FAT4: variants seen among roughly 807,000 people sequenced by gnomAD.
The protein encoded by FAT4 is protocadherin Fat 4.
In FAT4, 84 loss-of-function variants were observed where a neutral mutation model predicts 303.9. The ratio of observed to expected loss-of-function variants is 0.28; its 90% CI spans 0.23 to 0.33. The LOEUF is 0.33. FAT4 is among the 10% of genes least tolerant of loss of function. The probability of loss-of-function intolerance (pLI) is 1.00; values close to 1 mark genes in which losing one functional copy is unlikely to be tolerated. For synonymous variants in FAT4, 2,307 were observed against 2,298.8 expected, an observed-to-expected ratio of 1.00 and a Z score of -0.10; for missense variants, 6,005 against 6,146.8, an observed-to-expected ratio of 0.98 and a Z score of 0.77.
At chr4:125,351,973 C>T (rs1341338269) in intron 2 of FAT4, among the ~76,000 whole-genome samples, 4 of 151,624 alleles carry the variant, frequency 2.6e-5, no homozygotes, top group Non-Finnish European at 3.0e-5. Flanking sequence ...ACGGTTGATG[C>T]TACCTGTTGA....
chr4:125,364,124 T>TTC (rs35020841), intron 2 of FAT4, among the ~76,000 whole-genome samples: 34,092 of 149,916 alleles, frequency 0.23, 5,213 homozygotes, highest in African/African-American at 0.45. Flanking sequence ...TTCCTATTCC[T>TTC]TCTCTCTCTC....
intron 12 of FAT4, among the ~76,000 whole-genome samples, chr4:125,471,640 CA>C (rs1420293747): frequency 6.6e-6 from 1 of 151,730 alleles, no homozygotes; most frequent in African/African-American, 2.4e-5. Flanking sequence ...TATTTATCTT[CA>C]CAACTATCTC....
chr4:125,428,016 A>G (rs767288613), intron 7 of FAT4, among the ~76,000 whole-genome samples: 7 of 152,130 alleles, frequency 4.6e-5, no homozygotes, highest in Non-Finnish European at 1.0e-4. Context: ...TTTAAGTTTT[A>G]GGCCAGGTGC....
chr4:125,398,883 A>G lies in FAT4; in HGVS notation c.5275A>G (p.Ile1759Val), dbSNP rs145639192. 2,955 of 1,613,316 alleles carry G rather than the reference A, an allele frequency of 1.8e-3. 7 individuals are homozygous for G. The highest frequency in any genetic ancestry group is 2.3e-3 in the Non-Finnish European group (2,670 of 1,179,430). ...VEENIGDGSKIMQLTAMDADE... is the reference protein window; with the variant it reads ...VEENIGDGSKVMQLTAMDADE... ...GGAGAACATTGGAGATGGCTCTAAG[A>G]TTATGCAGCTGACAGCCATGGATGC... The change falls in exon 3 of 18, where the codon ATT (isoleucine) becomes GTT (valine). Residue 1759 changes from isoleucine to valine, a missense_variant. Ile to Val is a conservative substitution (Grantham distance 29). Transcript: ENST00000394329.
chr4:125,476,984 TCTAA>T (rs1009827431), intron 13 of FAT4, among the ~76,000 whole-genome samples, 167 bp from the exon 14 acceptor site: 39 of 152,120 alleles, frequency 2.6e-4, no homozygotes, highest in African/African-American at 9.2e-4. Flanking sequence ...AATTCGGAAG[TCTAA>T]CAACTCTGTG....
At chr4:125,378,069 T>G (rs1046231624) in intron 2 of FAT4, among the ~76,000 whole-genome samples, 1 of 152,070 alleles carries the variant, frequency 6.6e-6, no homozygotes, top group African/African-American at 2.4e-5. Flanking sequence ...TTCGATAACA[T>G]AAGCTTAGTT....
chr4:125,406,509 A>C (rs1023217809), intron 3 of FAT4, among the ~76,000 whole-genome samples: 2 of 152,168 alleles, frequency 1.3e-5, no homozygotes, highest in African/African-American at 4.8e-5. Flanking sequence ...GAATTTTGGA[A>C]TTGCTTTACC....
chr4:125,438,383 T>G (rs532898385), intron 8 of FAT4, among the ~76,000 whole-genome samples: 23 of 152,308 alleles, frequency 1.5e-4, no homozygotes, highest in African/African-American at 5.5e-4. Context: ...GTATTCATAC[T>G]CTCAAACTGT....
chr4:125,450,297 T>C lies in FAT4; in HGVS notation c.9287T>C (p.Met3096Thr). ...ACACCTGAATTCTCTCAAAGCCACATGAGTGCAACCATCCCTGAGAGCCAT... is the reference window on the plus strand; with the variant it reads ...ACACCTGAATTCTCTCAAAGCCACACGAGTGCAACCATCCCTGAGAGCCAT... ...YHTPEFSQSH[M>T]SATIPESHSI... The change falls in exon 10 of 18, where the codon ATG becomes ACG. Residue 3096 changes from methionine to threonine, a missense_variant. Met to Thr is a moderately conservative substitution (Grantham distance 81). Coordinates refer to ENST00000394329, the MANE Select transcript of FAT4 (RefSeq NM_001291303.3). The C allele has an allele frequency of 6.2e-7, 1 of 1,614,110 alleles. No homozygotes were observed. Among genetic ancestry groups the C allele is most frequent in the African/African-American group, 1.3e-5 (1 of 75,052 alleles).
intron 2 of FAT4, among the ~76,000 whole-genome samples, chr4:125,391,497 A>G (rs1733977833): frequency 6.6e-6 from 1 of 152,144 alleles, no homozygotes; most frequent in South Asian, 2.1e-4. Flanking sequence ...AGAAGGGAAC[A>G]ACACACACCA....
At chr4:125,458,586 G>A (rs1209711816) in intron 10 of FAT4, among the ~76,000 whole-genome samples, 1 of 151,870 alleles carries the variant, frequency 6.6e-6, no homozygotes, top group African/African-American at 2.4e-5. Flanking sequence ...AGCAGAATTA[G>A]GCAGTTTACA....
chr4:125,325,505 G>A (rs1731116857), intron 2 of FAT4, among the ~76,000 whole-genome samples: 1 of 152,100 alleles, frequency 6.6e-6, no homozygotes, highest in Admixed American at 6.6e-5. Flanking sequence ...TATTTAAAAA[G>A]AAACAGTTGC....
At chr4:125,488,450 G>C (rs989684201) in intron 17 of FAT4, among the ~76,000 whole-genome samples, 2 of 152,226 alleles carry the variant, frequency 1.3e-5, no homozygotes, top group Admixed American at 6.5e-5. Flanking sequence ...ACAGAAATGA[G>C]TTGGGATCTG....
chr4:125,369,381 G>C (rs1733016303), intron 2 of FAT4, among the ~76,000 whole-genome samples: 1 of 152,074 alleles, frequency 6.6e-6, no homozygotes. Context: ...GCAGTGAGCT[G>C]AGATTGCCTC....
chr4:125,415,414 A>T lies in FAT4; in HGVS notation c.6451A>T (p.Asn2151Tyr). Residue 2151 changes from asparagine to tyrosine, a missense_variant, in exon 6 of 18, where the codon AAC becomes TAC. Physicochemically the swap from Asn to Tyr is moderately radical, Grantham distance 143. Coordinates refer to ENST00000394329, the MANE Select transcript of FAT4 (RefSeq NM_001291303.3). ...TATGGTACTTGACATCAATGATAACAACCCCATCTTTGCACAAGCTTTGTA... is the reference window on the plus strand; with the variant it reads ...TATGGTACTTGACATCAATGATAACTACCCCATCTTTGCACAAGCTTTGTA... ...VVMVLDINDN[N>Y]PIFAQALYKV... 1 of 1,614,100 alleles carries T rather than the reference A, an allele frequency of 6.2e-7. No individual in the cohort carries two copies. Among genetic ancestry groups the T allele is most frequent in the South Asian group, 1.1e-5 (1 of 91,086 alleles).
Position 125,320,415 on chromosome 4 carries a change from C to T in FAT4, c.4004C>T (p.Ser1335Phe), listed in dbSNP as rs773667236. The change falls in exon 2 of 18, where the codon TCC (serine) becomes TTC (phenylalanine). Residue 1335 changes from serine to phenylalanine, a missense_variant. By Grantham distance (155) the Ser-to-Phe change is radical. Coordinates refer to ENST00000394329, the MANE Select transcript of FAT4 (RefSeq NM_001291303.3). ...AACATGAGAATTGGTGAACTCGTGTCCTCTGTTACTGCAACTGATTCCGAT... is the reference window on the plus strand; with the variant it reads ...AACATGAGAATTGGTGAACTCGTGTTCTCTGTTACTGCAACTGATTCCGAT... ...LENMRIGELV[S>F]SVTATDSDSG... 2 of 1,613,910 alleles carry T rather than the reference C, an allele frequency of 1.2e-6. No individual in the cohort carries two copies. The highest frequency in any genetic ancestry group is 1.7e-6 in the Non-Finnish European group (2 of 1,179,826).
At chr4:125,477,061 A>G in intron 13 of FAT4, 94 bp from the exon 14 acceptor site, 1 of 1,007,274 alleles carries the variant, frequency 9.9e-7, no homozygotes, top group Non-Finnish European at 1.3e-6. Flanking sequence ...ATAAATGTCA[A>G]AAAAAAGCTA....
intron 2 of FAT4, among the ~76,000 whole-genome samples, chr4:125,388,689 G>C (rs1469936367): frequency 6.6e-6 from 1 of 152,142 alleles, no homozygotes. Context: ...AAATTGAAGT[G>C]GTTACACATG....
intron 2 of FAT4, among the ~76,000 whole-genome samples, chr4:125,396,833 CAT>C (rs1028721657): frequency 2.0e-5 from 3 of 151,014 alleles, no homozygotes. Flanking sequence ...AAGGACTATG[CAT>C]ATATATGCAA....
Sources: allele counts gnomAD v4.1 joint callset (sites outside exome capture counted in the v4.1 genomes callset), GRCh38; gene constraint gnomAD v4.1.1; transcripts MANE v1.5; gene names NCBI Gene and HGNC (gene_info 2026-07-23, HGNC 2026-07-21).